The following INPP5D variants were observed in gnomAD, a reference collection of about 807,000 sequenced individuals.
INPP5D encodes phosphatidylinositol 3,4,5-trisphosphate 5-phosphatase 1.
A neutral mutation model predicts 122.9 loss-of-function variants in INPP5D; 33 were observed. The ratio of observed to expected loss-of-function variants is 0.27; its 90% CI spans 0.20 to 0.36. INPP5D has a LOEUF of 0.36. Among genes scored for constraint, INPP5D ranks in the 10% least tolerant of loss-of-function variants. The pLI is 1.00. For missense variants in INPP5D, 1,053 were observed against 1,412.7 expected (o/e 0.75, Z 4.08); for synonymous variants, 584 against 576.2 (o/e 1.01, Z -0.19).
At chr2:233,122,040 G>A in intron 2 of INPP5D, 67 bp from the exon 3 acceptor site, 1 of 1,574,618 alleles carries the variant, frequency 6.4e-7, no homozygotes. Context: ...TGCTGCAGTT[G>A]GCCTTTGTGG....
At chr2:233,169,478 A>G (rs911495908) in intron 14 of INPP5D, 77 bp downstream of exon 14, 5 of 1,541,410 alleles carry the variant, frequency 3.2e-6, no homozygotes, top group African/African-American at 1.4e-5. Flanking sequence ...TAAGCACCAG[A>G]AGGACCTGCT....
intron 19 of INPP5D, 58 bp downstream of exon 19, chr2:233,182,557 G>A: frequency 6.2e-7 from 1 of 1,602,288 alleles, no homozygotes; most frequent in Non-Finnish European, 8.5e-7. Context: ...AGTGTTGGGA[G>A]CTTGTCTTCA....
intron 5 of INPP5D, among the ~76,000 whole-genome samples, chr2:233,135,935 T>G (rs978053673): frequency 6.6e-6 from 1 of 152,178 alleles, no homozygotes; most frequent in Non-Finnish European, 1.5e-5. Flanking sequence ...TGTACTCCCA[T>G]AACACACTGT....
At chr2:233,153,857 A>G (rs1225946443) in intron 9 of INPP5D, among the ~76,000 whole-genome samples, 2 of 152,230 alleles carry the variant, frequency 1.3e-5, no homozygotes, top group Non-Finnish European at 2.9e-5. Context: ...CTGAGACCCC[A>G]GCCTTCTTCC....
At chr2:233,173,674 G>A (rs138876746) in intron 17 of INPP5D, among the ~76,000 whole-genome samples, 2,139 of 152,124 alleles carry the variant, frequency 0.014, 26 homozygotes, top group Non-Finnish European at 0.019. Flanking sequence ...GCTTATGCCT[G>A]TAATCCCAGC....
At chr2:233,151,902 G>A (rs137933594) in intron 9 of INPP5D, among the ~76,000 whole-genome samples, 9,302 of 152,242 alleles carry the variant, frequency 0.061, 298 homozygotes, top group Non-Finnish European at 0.071. Flanking sequence ...AGAGAATGAA[G>A]GCAAGAATGA....
chr2:233,191,080 C>T (rs149463520), intron 22 of INPP5D, among the ~76,000 whole-genome samples: 2 of 152,262 alleles, frequency 1.3e-5, no homozygotes, highest in African/African-American at 4.8e-5. Context: ...GCTGTAAGGA[C>T]ATACTTAAGA....
intron 5 of INPP5D, among the ~76,000 whole-genome samples, chr2:233,138,815 G>C (rs912199929): frequency 1.3e-5 from 2 of 151,810 alleles, no homozygotes; most frequent in Non-Finnish European, 1.5e-5. Context: ...GTGCGATCTC[G>C]GCTCACTGCA....
intron 1 of INPP5D, among the ~76,000 whole-genome samples, chr2:233,070,631 C>T (rs376241866): frequency 9.1e-4 from 139 of 151,916 alleles, no homozygotes; most frequent in Non-Finnish European, 1.6e-3. Context: ...TTAGTAGAGA[C>T]GGGGTCTCAC....
At chr2:233,109,744 ATT>A (rs1172362117) in intron 2 of INPP5D, among the ~76,000 whole-genome samples, 10 of 131,572 alleles carry the variant, frequency 7.6e-5, no homozygotes, top group Admixed American at 1.5e-4. Flanking sequence ...ACGCCCAGCT[ATT>A]TTTTTTTTTT....
chr2:233,088,275 A>C (rs1172188918), intron 2 of INPP5D, among the ~76,000 whole-genome samples: 7 of 152,130 alleles, frequency 4.6e-5, no homozygotes, highest in African/African-American at 1.2e-4. Flanking sequence ...AGCCCCGCCA[A>C]GGTTCTCATT....
At chr2:233,104,314 G>C (rs1692406698) in intron 2 of INPP5D, among the ~76,000 whole-genome samples, 1 of 152,174 alleles carries the variant, frequency 6.6e-6, no homozygotes, top group South Asian at 2.1e-4. Context: ...CTTAAGTGAA[G>C]CTGTTTGAGT....
At chr2:233,199,409 G>A (rs1695272819) in intron 25 of INPP5D, among the ~76,000 whole-genome samples, 1 of 149,264 alleles carries the variant, frequency 6.7e-6, no homozygotes, top group Admixed American at 6.7e-5. Context: ...GGTGGTGCAC[G>A]CCTGTAATCC....
rs1039650361 is a variant in INPP5D, at chr2:233,164,848, C to A, written c.1555+424C>A. On this transcript the variant is annotated intron_variant, in intron 13 of 26. Transcript: ENST00000445964. The surrounding 1 kb of genome is among the most constrained non-coding windows in gnomAD (Gnocchi z 4.3). ...GCAGGCCACTCAACACTATTCCTCT[C>A]TGCCTTTCTGGTGGGAAAGCAGCCA... Among the ~76,000 whole-genome samples the A allele has an allele frequency of 5.3e-5, 8 of 152,244 alleles. No individual in the cohort carries two copies. The South Asian group carries it at 1.7e-3, about 32-fold the overall frequency.
At chr2:233,122,022 C>G (rs1480539099) in intron 2 of INPP5D, 85 bp from the exon 3 acceptor site, 11 of 1,501,992 alleles carry the variant, frequency 7.3e-6, no homozygotes, top group Non-Finnish European at 1.0e-5. Context: ...CTCCGCCTCG[C>G]TGGTCTCTGC....
At chr2:233,139,505 T>TGTGTGTGTG (rs1574759280) in intron 5 of INPP5D, among the ~76,000 whole-genome samples, 4 of 145,226 alleles carry the variant, frequency 2.8e-5, no homozygotes, top group Admixed American at 1.4e-4. Context: ...TGTGTGTGTG[T>TGTGTGTGTG]TTTATAAACA....
rs73111460 is a variant in INPP5D at position 233,195,300 on chromosome 2, G to A, written c.2597-99G>A. The A allele has an allele frequency of 4.0e-3, 6,319 of 1,566,148 alleles. 214 individuals carry two copies. The African/African-American group carries it at 0.07, about 17-fold the overall frequency. On this transcript the variant is annotated intron_variant, in intron 23 of 26. Coordinates refer to ENST00000445964, the MANE Select transcript of INPP5D (RefSeq NM_001017915.3). ...CCTCTCCAGGTACTCACTATTCACT[G>A]TGCAGCTTCAGCCTGCAAATGGAAA... is the stretch of plus-strand genomic sequence containing the variant.
chr2:233,134,174 G>T, intron 5 of INPP5D: 1 of 376,564 alleles, frequency 2.7e-6, no homozygotes, highest in Admixed American at 3.0e-5. Context: ...AGGAGAGGGT[G>T]GTGGGAGGAG....
intron 9 of INPP5D, among the ~76,000 whole-genome samples, chr2:233,152,588 T>C (rs36172244): frequency 0.51 from 77,408 of 151,974 alleles, 20,382 homozygotes; most frequent in East Asian, 0.67. Context: ...TAGAAAAATA[T>C]GACAGTAATG....
Sources: allele counts gnomAD v4.1 joint callset (sites outside exome capture counted in the v4.1 genomes callset), GRCh38; gene constraint gnomAD v4.1.1; non-coding constraint Gnocchi (gnomAD v3.1); transcripts MANE v1.5; gene names NCBI Gene and HGNC (gene_info 2026-07-23, HGNC 2026-07-21).